TTBK2: variants seen among roughly 807,000 people sequenced by gnomAD.
The protein encoded by TTBK2 is tau-tubulin kinase 2.
TTBK2 carries 28 observed loss-of-function variants against 110.8 expected under a neutral mutation model. The ratio of observed to expected loss-of-function variants is 0.25; its 90% confidence interval spans 0.19 to 0.35. TTBK2 has a LOEUF of 0.35. Among genes scored for constraint, TTBK2 ranks in the 10% least tolerant of loss-of-function variants. The pLI, the probability that TTBK2 is intolerant of heterozygous loss-of-function variation, is 1.00. For missense variants in TTBK2, 1,369 were observed against 1,500.3 expected (o/e 0.91, Z 1.45); for synonymous variants, 532 against 527.3 (o/e 1.01, Z -0.12).
rs376124585 is a variant in TTBK2 at position 42,876,333 on chromosome 15, C to A, written c.69+2216G>T. ...GATATATTAGTTCTAATTACCAGGA[C>A]AAGGGAACCATGCCAATCAAGAGTT... On this transcript the variant is annotated intron_variant, in intron 2 of 14. Coordinates refer to ENST00000267890, the MANE Select transcript of TTBK2 (RefSeq NM_173500.4). 9.7e-4 allele frequency among the ~76,000 whole-genome samples: 147 copies of A among 152,146 alleles called. 1 individual carries two copies. Among genetic ancestry groups the A allele is most frequent in the African/African-American group, 3.4e-3 (142 of 41,520 alleles).
At chr15:42,845,873 C>T (rs936933726) in intron 3 of TTBK2, among the ~76,000 whole-genome samples, 1 of 152,060 alleles carries the variant, frequency 6.6e-6, no homozygotes, top group Non-Finnish European at 1.5e-5. Flanking sequence ...AGGCTAGAAA[C>T]CTGTATGGCA....
chr15:42,758,764 G>A (rs1364276012), intron 13 of TTBK2, among the ~76,000 whole-genome samples: 1 of 151,894 alleles, frequency 6.6e-6, no homozygotes, highest in African/African-American at 2.4e-5. Flanking sequence ...GGGACTTCCT[G>A]TTGTGGGAAA....
At chr15:42,791,473 C>A (rs979113631) in intron 10 of TTBK2, among the ~76,000 whole-genome samples, 9 of 148,468 alleles carry the variant, frequency 6.1e-5, no homozygotes, top group African/African-American at 1.8e-4. Context: ...TGAATTATCT[C>A]ATTTTCATTC....
At chr15:42,765,457 A>G (rs895591976) in intron 13 of TTBK2, among the ~76,000 whole-genome samples, 1 of 152,228 alleles carries the variant, frequency 6.6e-6, no homozygotes. Context: ...TGGCACGAGA[A>G]CTACATGATG....
chr15:42,767,715 C>A (rs1203121190), intron 13 of TTBK2, among the ~76,000 whole-genome samples: 1 of 152,176 alleles, frequency 6.6e-6, no homozygotes, highest in African/African-American at 2.4e-5. Context: ...CTTTCTGAAA[C>A]TATTCCAATC....
At chr15:42,830,204 T>G in intron 4 of TTBK2, 126 bp from the exon 5 acceptor site, 1 of 1,104,352 alleles carries the variant, frequency 9.1e-7, no homozygotes, top group Non-Finnish European at 1.3e-6. Flanking sequence ...TTTTTTTTTT[T>G]GAGAGGGAGT....
chr15:42,867,930 C>T (rs1405274783), intron 3 of TTBK2, among the ~76,000 whole-genome samples: 1 of 152,168 alleles, frequency 6.6e-6, no homozygotes, highest in South Asian at 2.1e-4. Flanking sequence ...AACTGTGGTA[C>T]CTCTAGACAA....
intron 13 of TTBK2, among the ~76,000 whole-genome samples, chr15:42,762,605 T>C (rs1595885630): frequency 6.6e-6 from 1 of 152,218 alleles, no homozygotes; most frequent in East Asian, 1.9e-4. Flanking sequence ...TAGTCCCAGC[T>C]ACTCAGGAGG....
intron 3 of TTBK2, among the ~76,000 whole-genome samples, chr15:42,861,906 G>A (rs925320328): frequency 6.6e-6 from 1 of 152,000 alleles, no homozygotes; most frequent in African/African-American, 2.4e-5. Flanking sequence ...TGACAAGGAT[G>A]ATAACTGATC....
intron 6 of TTBK2, among the ~76,000 whole-genome samples, chr15:42,817,719 T>C (rs916734650): frequency 1.3e-5 from 2 of 152,252 alleles, no homozygotes; most frequent in African/African-American, 2.4e-5. Flanking sequence ...AGCTTTTTAC[T>C]TAGCCTACAA....
At chr15:42,850,616 T>C (rs917295349) in intron 3 of TTBK2, among the ~76,000 whole-genome samples, 1 of 152,198 alleles carries the variant, frequency 6.6e-6, no homozygotes, top group Non-Finnish European at 1.5e-5. Flanking sequence ...TATTTTAAAC[T>C]ACTTGTATAA....
At chr15:42,856,836 G>T (rs1445272296) in intron 3 of TTBK2, among the ~76,000 whole-genome samples, 2 of 152,130 alleles carry the variant, frequency 1.3e-5, no homozygotes, top group African/African-American at 4.8e-5. Flanking sequence ...CTGAGGCGGG[G>T]GATCACCTGA....
intron 6 of TTBK2, among the ~76,000 whole-genome samples, chr15:42,818,445 C>T (rs542602602): frequency 6.6e-6 from 1 of 152,224 alleles, no homozygotes. Context: ...TTCGGCCAGG[C>T]GTGGTGGCTC....
intron 1 of TTBK2, among the ~76,000 whole-genome samples, chr15:42,897,823 T>TGTAC: frequency 7.1e-6 from 1 of 140,762 alleles, no homozygotes; most frequent in African/African-American, 2.6e-5. Context: ...CCAGTAGTGG[T>TGTAC]ACACACACAC....
intron 10 of TTBK2, among the ~76,000 whole-genome samples, chr15:42,785,507 T>C (rs1052762057): frequency 2.0e-5 from 3 of 152,182 alleles, no homozygotes; most frequent in African/African-American, 7.2e-5. Flanking sequence ...GAGGGGAAAC[T>C]AGACTTTCTG....
chr15:42,815,949 T>TAAAA (rs375184494), intron 7 of TTBK2, among the ~76,000 whole-genome samples: 1 of 37,172 alleles, frequency 2.7e-5, no homozygotes, highest in Non-Finnish European at 4.3e-5. Flanking sequence ...TATATATATT[T>TAAAA]AAAAAAAAAA....
chr15:42,795,804 C>T (rs1409225857), intron 9 of TTBK2, among the ~76,000 whole-genome samples: 3 of 143,234 alleles, frequency 2.1e-5, no homozygotes, highest in East Asian at 4.1e-4. Context: ...GATCGTGTCA[C>T]TGTACTCCAA....
At chr15:42,843,131 T>C (rs1373879514) in intron 3 of TTBK2, among the ~76,000 whole-genome samples, 2 of 152,202 alleles carry the variant, frequency 1.3e-5, no homozygotes, top group Non-Finnish European at 2.9e-5. Flanking sequence ...ACTGTAACAG[T>C]GAGAGACATC....
chr15:42,763,170 A>ATATATG (rs1889145339), intron 13 of TTBK2, among the ~76,000 whole-genome samples: 1 of 13,414 alleles, frequency 7.5e-5, no homozygotes, highest in Non-Finnish European at 1.3e-4. Flanking sequence ...ATATATATAT[A>ATATATG]TATATATATA....
Sources: allele counts gnomAD v4.1 joint callset (sites outside exome capture counted in the v4.1 genomes callset), GRCh38; gene constraint gnomAD v4.1.1; transcripts MANE v1.5; gene names NCBI Gene and HGNC (gene_info 2026-07-23, HGNC 2026-07-21).